The following FSTL4 variants were observed in gnomAD, a reference collection of about 807,000 sequenced individuals.
FSTL4 encodes the protein follistatin-related protein 4.
A neutral mutation model predicts 78.2 loss-of-function variants in FSTL4; 28 were observed. The ratio of observed to expected loss-of-function variants is 0.36; its 90% CI spans 0.27 to 0.49. The LOEUF (loss-of-function observed/expected upper bound fraction) is 0.49, where lower values mean the gene tolerates loss of function less well. FSTL4 is among the 20% of genes least tolerant of loss of function. FSTL4 has a pLI of 0.98. For missense variants in FSTL4, 922 were observed against 1,084.9 expected, an observed-to-expected ratio of 0.85 and a Z score of 2.11; for synonymous variants, 422 against 440.5, an observed-to-expected ratio of 0.96 and a Z score of 0.53.
intron 3 of FSTL4, among the ~76,000 whole-genome samples, chr5:133,551,225 G>A (rs552935842): frequency 5.9e-5 from 9 of 152,214 alleles, no homozygotes; most frequent in South Asian, 2.1e-4. Context: ...CTCTGTTTAC[G>A]ATACTTGGGG....
intron 6 of FSTL4, among the ~76,000 whole-genome samples, chr5:133,277,984 C>G (rs769096298): frequency 6.6e-6 from 1 of 152,138 alleles, no homozygotes. Context: ...AGCTCAGTCC[C>G]GTGGCCTGGA....
chr5:133,571,664 C>T (rs1760158180), intron 2 of FSTL4, among the ~76,000 whole-genome samples: 1 of 152,124 alleles, frequency 6.6e-6, no homozygotes, highest in East Asian at 1.9e-4. Context: ...TAACCAAACA[C>T]CACCTGTTCT....
chr5:133,524,813 C>A (rs914644521), intron 3 of FSTL4, among the ~76,000 whole-genome samples: 3 of 152,210 alleles, frequency 2.0e-5, no homozygotes, highest in Admixed American at 6.5e-5. Flanking sequence ...CCTGGCCCAG[C>A]TAGTGAGTGA....
chr5:133,540,246 TAC>T (rs751878256), intron 3 of FSTL4, among the ~76,000 whole-genome samples: 18 of 122,222 alleles, frequency 1.5e-4, no homozygotes, highest in East Asian at 4.2e-4. Flanking sequence ...AACACACACA[TAC>T]ACACACACAC....
chr5:133,395,291 C>T (rs140865148), intron 4 of FSTL4, among the ~76,000 whole-genome samples: 9 of 152,202 alleles, frequency 5.9e-5, no homozygotes, highest in African/African-American at 9.6e-5. Flanking sequence ...CTGAGGCCTG[C>T]GAGACAACGA....
the FSTL4 span, among the ~76,000 whole-genome samples, chr5:133,641,213 C>A: frequency 6.6e-6 from 1 of 151,792 alleles, no homozygotes; most frequent in African/African-American, 2.4e-5. Context: ...CCATATAGTG[C>A]CCACACTGAT....
chr5:133,349,295 C>CTCTCTGTGTGTGTGTG (rs11269337), intron 4 of FSTL4, among the ~76,000 whole-genome samples: 74 of 139,772 alleles, frequency 5.3e-4, no homozygotes, highest in East Asian at 4.2e-3. Context: ...GCCTCTCTCT[C>CTCTCTGTGTGTGTGTG]TGTGTGTGTG....
intron 6 of FSTL4, among the ~76,000 whole-genome samples, chr5:133,311,890 C>T (rs1753793887): frequency 6.6e-6 from 1 of 152,210 alleles, no homozygotes; most frequent in South Asian, 2.1e-4. Context: ...GATGTCCCCT[C>T]TAGTCTCCAG....
Position 133,400,800 on chromosome 5 carries a change from C to T in FSTL4, c.347G>A (p.Arg116His), listed in dbSNP as rs749369391. The change falls in exon 4 of 16, where the codon CGT (arginine) becomes CAT (histidine). Residue 116 changes from arginine to histidine, a missense_variant. By Grantham distance (29) the Arg-to-His change is conservative. Coordinates refer to ENST00000265342, the MANE Select transcript of FSTL4 (RefSeq NM_015082.2). ...RFYENHCKLH[R>H]AACLLGKRIT... is the part of the protein sequence containing the mutation. ...CCTCTTTCCCAGGAGGCAAGCAGCA[C>T]GGTGGAGCTTACAGTGGTTTTCATA... is the stretch of plus-strand genomic sequence containing the variant. 1.1e-5 allele frequency: 17 copies of T among 1,613,924 alleles called. No homozygotes were observed. The East Asian group carries it at 1.6e-4, about 15-fold the overall frequency.
At chr5:133,405,476 T>C (rs1249211704) in intron 3 of FSTL4, among the ~76,000 whole-genome samples, 1 of 152,142 alleles carries the variant, frequency 6.6e-6, no homozygotes, top group Non-Finnish European at 1.5e-5. Flanking sequence ...CCTTATATAC[T>C]TTATCTTCCA....
At chr5:133,692,749 C>T in the FSTL4 span, among the ~76,000 whole-genome samples, 2 of 152,214 alleles carry the variant, frequency 1.3e-5, no homozygotes, top group Non-Finnish European at 2.9e-5. Context: ...CCTCTCACTT[C>T]CTGCTGCTCC....
chr5:133,265,153 C>G (rs528479356), intron 6 of FSTL4, among the ~76,000 whole-genome samples: 1 of 152,102 alleles, frequency 6.6e-6, no homozygotes, highest in Non-Finnish European at 1.5e-5. Context: ...TCCTAGGCCC[C>G]GTCCCCCCAC....
At chr5:133,618,719 A>G in the FSTL4 span, among the ~76,000 whole-genome samples, 1 of 152,336 alleles carries the variant, frequency 6.6e-6, no homozygotes, top group East Asian at 1.9e-4. Context: ...ATCTAAGGCA[A>G]TTTGGCTGGC....
rs1751556301 is a variant in FSTL4, at chr5:133,233,407, A to C, written c.1015+10T>G. On this transcript the variant is annotated intron_variant, in intron 8 of 15. Transcript: ENST00000265342. Reference sequence around the variant, plus strand: ...ATGAGGGGACAACATGCATGGAGCCATTTACTAACCATTCACCTGCAGGAC... The same window carrying C: ...ATGAGGGGACAACATGCATGGAGCCCTTTACTAACCATTCACCTGCAGGAC... The C allele has an allele frequency of 6.2e-7, 1 of 1,613,904 alleles. No individual in the cohort carries two copies. Among genetic ancestry groups the C allele is most frequent in the Non-Finnish European group, 8.5e-7 (1 of 1,180,016 alleles).
At chr5:133,534,007 C>T (rs1403534275) in intron 3 of FSTL4, among the ~76,000 whole-genome samples, 1 of 152,126 alleles carries the variant, frequency 6.6e-6, no homozygotes, top group Non-Finnish European at 1.5e-5. Context: ...GCAGCACCTA[C>T]TTGTCTTCAT....
In FSTL4 at chr5:133,611,183, G is replaced by A. The variant is rs890781627; in HGVS notation, c.-11+1142C>T. ...AGCGAGGGCTGCTGGACAGCGCCCC[G>A]GCACCCGCTCTCGAGCCGCGACACC... is the stretch of plus-strand genomic sequence containing the variant. On this transcript the variant is annotated intron_variant, in intron 1 of 15. Transcript: ENST00000265342. This position sits in a 1 kb window ranked among gnomAD's most constrained non-coding sequence, Gnocchi z 4.9. Among the ~76,000 whole-genome samples, 1 of 151,982 alleles carries A rather than the reference G, an allele frequency of 6.6e-6. No homozygotes were observed. The highest frequency in any genetic ancestry group is 2.4e-5 in the African/African-American group (1 of 41,402).
Position 133,514,271 on chromosome 5 carries a change from C to T in FSTL4, c.160+52915G>A, listed in dbSNP as rs181668387. Among the ~76,000 whole-genome samples the T allele has an allele frequency of 3.5e-4, 53 of 150,892 alleles. 1 individual carries two copies. Among genetic ancestry groups the T allele is most frequent in the Admixed American group, 3.2e-3 (49 of 15,128 alleles). On this transcript the variant is annotated intron_variant, in intron 3 of 15. Transcript: ENST00000265342. ...AGGAGGAATCTCTAGAGAAGAGGAA[C>T]AGATGAAGAAACAAGAGGGTGAATC...
chr5:133,481,668 T>C (rs1758031462), intron 3 of FSTL4, among the ~76,000 whole-genome samples: 1 of 152,160 alleles, frequency 6.6e-6, no homozygotes, highest in African/African-American at 2.4e-5. Flanking sequence ...GTGCTCACTA[T>C]GTGCCAGGCT....
chr5:133,787,556 A>T, the FSTL4 span, among the ~76,000 whole-genome samples: 2 of 149,930 alleles, frequency 1.3e-5, no homozygotes, highest in Non-Finnish European at 3.0e-5. Context: ...AAGGGAGGCC[A>T]CCCTCCCCGC....
Sources: allele counts gnomAD v4.1 joint callset (sites outside exome capture counted in the v4.1 genomes callset), GRCh38; gene constraint gnomAD v4.1.1; non-coding constraint Gnocchi (gnomAD v3.1); transcripts MANE v1.5; gene names NCBI Gene and HGNC (gene_info 2026-07-23, HGNC 2026-07-21).